The following SIPA1L1 variants were observed in gnomAD, a reference collection of about 807,000 sequenced individuals.
SIPA1L1 encodes the protein signal-induced proliferation-associated 1-like protein 1.
Under a neutral mutation model 162.7 loss-of-function variants are expected in SIPA1L1, and 26 were observed. The observed-to-expected ratio is 0.16, with a 90% confidence interval of 0.12 to 0.22. The LOEUF (loss-of-function observed/expected upper bound fraction) is 0.22. SIPA1L1 is among the 10% of genes least tolerant of loss of function. The pLI is 1.00. For missense variants in SIPA1L1, 1,874 were observed against 2,241.0 expected (o/e 0.84, Z 3.31); for synonymous variants, 829 against 837.4 (o/e 0.99, Z 0.17).
Position 71,671,195 on chromosome 14 carries a change from A to T in SIPA1L1, c.2332A>T (p.Asn778Tyr). The change falls in exon 11 of 24, where the codon AAT (asparagine) becomes TAT (tyrosine). Residue 778 changes from asparagine to tyrosine, a missense_variant. Physicochemically the swap from Asn to Tyr is moderately radical, Grantham distance 143 (BLOSUM62 -2). Coordinates refer to ENST00000381232, the MANE Select transcript of SIPA1L1 (RefSeq NM_001386936.1). The part of the protein sequence containing the change: ...IPKGVTFPKS[N>Y]VFRDFLLAKV... ...TAAAGGGGTCACTTTCCCTAAGTCA[A>T]ATGTGTTCAGGGACTTCCTTTTGGC... 6.2e-7 allele frequency: 1 copy of T among 1,614,172 alleles called. No individual in the cohort carries two copies. The highest frequency in any genetic ancestry group is 8.5e-7 in the Non-Finnish European group (1 of 1,180,024).
intron 19 of SIPA1L1, 96 bp from the exon 20 acceptor site, chr14:71,729,959 G>A: frequency 7.4e-7 from 1 of 1,350,048 alleles, no homozygotes; most frequent in Non-Finnish European, 1.0e-6. Context: ...GGGTGTGTCT[G>A]GAGCAGTAAC....
chr14:71,718,949 A>AC (rs1258126199), intron 17 of SIPA1L1, among the ~76,000 whole-genome samples: 2 of 140,442 alleles, frequency 1.4e-5, no homozygotes, highest in Non-Finnish European at 3.1e-5. Context: ...TCTTCTTTTT[A>AC]TTTTTTTGAG....
rs2083961747 is a variant in SIPA1L1, at chr14:71,723,703, C to T, written c.4265C>T (p.Ser1422Leu). 8 of 1,614,216 alleles carry T rather than the reference C, an allele frequency of 5.0e-6. No homozygotes were observed. The highest frequency in any genetic ancestry group is 6.8e-6 in the Non-Finnish European group (8 of 1,180,044). ...GTGGTTTTCACCAGTGCCCGGAGTT[C>T]ACCTAAAGAAGAGCTTCATCCAGCT... is the stretch of plus-strand genomic sequence containing the variant. The part of the protein sequence containing the change: ...SPVVFTSARS[S>L]PKEELHPAAP... Residue 1422 changes from serine to leucine, a missense_variant, in exon 18 of 24, where the codon TCA (serine) becomes TTA (leucine). Ser to Leu is a moderately radical substitution (Grantham distance 145). Around this residue, in one of 5 missense-constraint regions of SIPA1L1, gnomAD observed 936 missense variants for 1,051.9 expected, o/e 0.89. Coordinates refer to ENST00000381232, the MANE Select transcript of SIPA1L1 (RefSeq NM_001386936.1).
chr14:71,524,752 T>C (rs1405415120), intron 3 of SIPA1L1, among the ~76,000 whole-genome samples: 1 of 152,050 alleles, frequency 6.6e-6, no homozygotes, highest in East Asian at 1.9e-4. Flanking sequence ...CCTGGCCACA[T>C]CTCAGTTTTA....
rs2084624828 is a variant in SIPA1L1 at position 71,730,081 on chromosome 14, T to G, written c.4641T>G (p.Ser1547=). Reference sequence around the variant, plus strand: ...TCCACGCACTCTCCTCTCCTCAGTCTCCTTTCCCCAGCACCCCCACCTCAC... The same window carrying G: ...TCCACGCACTCTCCTCTCCTCAGTCGCCTTTCCCCAGCACCCCCACCTCAC... ...FKFHALSSPQ[S]PFPSTPTSRR... is the part of the protein sequence containing the mutation. The change falls in exon 20 of 24, where the codon TCT becomes TCG. Residue 1547 remains serine, a synonymous_variant. Coordinates refer to ENST00000381232, the MANE Select transcript of SIPA1L1 (RefSeq NM_001386936.1). The G allele has an allele frequency of 6.2e-7, 1 of 1,614,112 alleles. No homozygotes were observed. The highest frequency in any genetic ancestry group is 2.2e-5 in the East Asian group (1 of 44,876).
chr14:71,595,085 C>A (rs753724741), intron 5 of SIPA1L1, among the ~76,000 whole-genome samples: 1 of 152,170 alleles, frequency 6.6e-6, no homozygotes, highest in Non-Finnish European at 1.5e-5. Context: ...GCCTCTCAAG[C>A]CAGAGGTTTT....
intron 17 of SIPA1L1, among the ~76,000 whole-genome samples, chr14:71,720,828 T>A (rs1045208404): frequency 2.0e-5 from 3 of 152,116 alleles, no homozygotes; most frequent in Non-Finnish European, 1.5e-5. Context: ...CTTTGTTAAA[T>A]TTTTGATAGA....
chr14:71,352,612 A>G (rs933259613), intron 2 of SIPA1L1, among the ~76,000 whole-genome samples: 2 of 152,248 alleles, frequency 1.3e-5, no homozygotes, highest in Non-Finnish European at 2.9e-5. Flanking sequence ...ATTAAATTGT[A>G]TCATGATACC....
intron 2 of SIPA1L1, among the ~76,000 whole-genome samples, chr14:71,504,794 G>T (rs1474533509): frequency 6.6e-6 from 1 of 152,158 alleles, no homozygotes; most frequent in Non-Finnish European, 1.5e-5. Flanking sequence ...TTTATTTGGG[G>T]TTTAACTTGG....
chr14:71,674,785 C>T (rs1186157954), intron 12 of SIPA1L1, among the ~76,000 whole-genome samples: 3 of 151,802 alleles, frequency 2.0e-5, no homozygotes, highest in South Asian at 2.1e-4. Context: ...GGGATGGTCT[C>T]GATCTCCTGA....
At chr14:71,687,244 C>G (rs1596984768) in intron 13 of SIPA1L1, among the ~76,000 whole-genome samples, 1 of 152,192 alleles carries the variant, frequency 6.6e-6, no homozygotes, top group East Asian at 1.9e-4. Flanking sequence ...CCCATAGTGG[C>G]CCCATTACCA....
chr14:71,353,439 G>A (rs1241584207), intron 2 of SIPA1L1, among the ~76,000 whole-genome samples: 1 of 152,186 alleles, frequency 6.6e-6, no homozygotes, highest in Non-Finnish European at 1.5e-5. Context: ...GAGGAGCGGA[G>A]ATGAGCTGAG....
intron 3 of SIPA1L1, among the ~76,000 whole-genome samples, chr14:71,517,321 G>A (rs1261086090): frequency 5.3e-5 from 8 of 151,418 alleles, no homozygotes. Context: ...AATTTTTTTT[G>A]GTTTATTACA....
chr14:71,384,910 T>G (rs2040198661), intron 2 of SIPA1L1, among the ~76,000 whole-genome samples: 1 of 152,184 alleles, frequency 6.6e-6, no homozygotes, highest in African/African-American at 2.4e-5. Context: ...TTTTTGCTCT[T>G]TATCTGGAAG....
chr14:71,552,813 T>C (rs2055987735), intron 4 of SIPA1L1, among the ~76,000 whole-genome samples: 1 of 152,170 alleles, frequency 6.6e-6, no homozygotes, highest in Non-Finnish European at 1.5e-5. Flanking sequence ...CCTTCCTTCC[T>C]TACTTTGACC....
chr14:71,544,335 ATG>A (rs758963896), intron 4 of SIPA1L1, among the ~76,000 whole-genome samples: 63 of 151,404 alleles, frequency 4.2e-4, no homozygotes, highest in Admixed American at 2.2e-3. Flanking sequence ...TACATATATC[ATG>A]TGTGTGTATA....
chr14:71,403,633 A>T (rs923670958), intron 2 of SIPA1L1, among the ~76,000 whole-genome samples: 35 of 151,022 alleles, frequency 2.3e-4, no homozygotes, highest in African/African-American at 8.3e-4. Context: ...AATCTTAATC[A>T]TATTGTTTTC....
intron 2 of SIPA1L1, among the ~76,000 whole-genome samples, chr14:71,357,028 C>T (rs1457983714): frequency 6.6e-6 from 1 of 152,002 alleles, no homozygotes; most frequent in Non-Finnish European, 1.5e-5. Flanking sequence ...AGCAGAATTA[C>T]AAATCATGAC....
chr14:71,692,629 A>G (rs1446628790), intron 13 of SIPA1L1, among the ~76,000 whole-genome samples: 1 of 152,218 alleles, frequency 6.6e-6, no homozygotes, highest in Non-Finnish European at 1.5e-5. Flanking sequence ...AATGGGCACA[A>G]TGGCTTCAGC....
Sources: allele counts gnomAD v4.1 joint callset (sites outside exome capture counted in the v4.1 genomes callset), GRCh38; gene constraint gnomAD v4.1.1; regional missense constraint gnomAD v4.1.1; transcripts MANE v1.5; gene names NCBI Gene and HGNC (gene_info 2026-07-23, HGNC 2026-07-21).